MED13L: variants seen among roughly 807,000 people sequenced by gnomAD.
The protein encoded by MED13L is mediator of RNA polymerase II transcription subunit 13-like.
MED13L carries 7 observed loss-of-function variants against 220.9 expected under a neutral mutation model. That is an observed-to-expected ratio of 0.03 (90% confidence interval 0.02 to 0.06). MED13L has a LOEUF of 0.06. MED13L is among the 10% of genes least tolerant of loss of function. MED13L has a pLI of 1.00. For missense variants in MED13L, 1,965 were observed against 2,760.5 expected (o/e 0.71, Z 6.46); for synonymous variants, 1,011 against 1,015.2 (o/e 1.00, Z 0.08).
intron 4 of MED13L, among the ~76,000 whole-genome samples, chr12:116,039,387 C>T (rs1476121471): frequency 1.3e-5 from 2 of 152,198 alleles, no homozygotes; most frequent in African/African-American, 2.4e-5. Context: ...TTGGAGCTAA[C>T]GCTTATTTGG....
chr12:116,264,713 C>T (rs1872718333), intron 1 of MED13L, among the ~76,000 whole-genome samples: 1 of 152,168 alleles, frequency 6.6e-6, no homozygotes, highest in South Asian at 2.1e-4. Flanking sequence ...TATCTTCCAT[C>T]TTTCCTTCTG....
chr12:116,267,813 T>A (rs1277488378), intron 1 of MED13L, among the ~76,000 whole-genome samples: 1 of 152,240 alleles, frequency 6.6e-6, no homozygotes, highest in Non-Finnish European at 1.5e-5. Flanking sequence ...TTGCCTACTA[T>A]GCTACAGAAA....
intron 4 of MED13L, among the ~76,000 whole-genome samples, chr12:116,073,112 GA>G (rs1870510122): frequency 6.6e-6 from 1 of 152,162 alleles, no homozygotes; most frequent in Non-Finnish European, 1.5e-5. Flanking sequence ...AGGGGAAACA[GA>G]AGGTAAAGAA....
chr12:116,026,334 G>T (rs1317997669), intron 4 of MED13L, among the ~76,000 whole-genome samples: 2 of 152,182 alleles, frequency 1.3e-5, no homozygotes, highest in South Asian at 4.1e-4. Flanking sequence ...GATTAAAATC[G>T]AATCAAGGAT....
chr12:116,143,322 C>A (rs559593630), intron 2 of MED13L, among the ~76,000 whole-genome samples: 61 of 149,276 alleles, frequency 4.1e-4, no homozygotes, highest in African/African-American at 1.5e-3. Flanking sequence ...CACAGCAACA[C>A]CTTGTCTCAA....
chr12:115,990,540 G>A (rs1362778482), intron 17 of MED13L, among the ~76,000 whole-genome samples: 1 of 152,134 alleles, frequency 6.6e-6, no homozygotes, highest in Non-Finnish European at 1.5e-5. Flanking sequence ...ATATGCCCCA[G>A]TAACCACAAT....
chr12:116,072,673 T>A (rs569765019), intron 4 of MED13L, among the ~76,000 whole-genome samples: 1 of 152,298 alleles, frequency 6.6e-6, no homozygotes, highest in East Asian at 1.9e-4. Context: ...AGGCTGGTCT[T>A]GAACTCCTTG....
At chr12:116,033,468 T>TGCC (rs1044190483) in intron 4 of MED13L, among the ~76,000 whole-genome samples, 14 of 152,312 alleles carry the variant, frequency 9.2e-5, no homozygotes, top group Non-Finnish European at 1.3e-4. Context: ...TTTCACTGGG[T>TGCC]GCCTTATTTT....
At chr12:116,208,121 G>A (rs142388269) in intron 2 of MED13L, among the ~76,000 whole-genome samples, 15 of 152,304 alleles carry the variant, frequency 9.8e-5, no homozygotes, top group Admixed American at 2.6e-4. Flanking sequence ...CAGGCTGGAC[G>A]CAGTGGCTCA....
At chr12:116,019,709 A>G in intron 6 of MED13L, 69 bp downstream of exon 6, 1 of 1,506,990 alleles carries the variant, frequency 6.6e-7, no homozygotes, top group Non-Finnish European at 9.2e-7. Context: ...AAGAATCTAA[A>G]TGATTATCTT....
intron 1 of MED13L, among the ~76,000 whole-genome samples, chr12:116,258,335 G>A (rs774170676): frequency 2.7e-4 from 41 of 152,176 alleles, no homozygotes; most frequent in African/African-American, 8.4e-4. Context: ...TTGTGAGCAT[G>A]AGAAAATGCA....
At chr12:116,138,925 A>G (rs541723786) in intron 2 of MED13L, among the ~76,000 whole-genome samples, 71 of 152,316 alleles carry the variant, frequency 4.7e-4, no homozygotes, top group African/African-American at 1.6e-3. Context: ...TTAAGTGCCT[A>G]TTTGACTAGT....
chr12:116,176,876 CAAAAAAAAAAA>C (rs11285058), intron 2 of MED13L, among the ~76,000 whole-genome samples: 27 of 74,232 alleles, frequency 3.6e-4, no homozygotes, highest in East Asian at 1.2e-3. Flanking sequence ...AGAACTCAGC[CAAAAAAAAAAA>C]AAAAAAAAAA....
Position 115,987,249 on chromosome 12 carries a change from C to T in MED13L, c.3974G>A (p.Arg1325His), listed in dbSNP as rs768222953. Residue 1325 changes from arginine (R) to histidine (H), a missense_variant, in exon 18 of 31, where the codon CGT (arginine) becomes CAT (histidine). This residue lies in a region of MED13L where 165 missense variants were observed against 190.8 expected (regional missense o/e 0.86). Transcript: ENST00000281928. The part of the protein sequence containing the change: ...ISMLSSQDVV[R>H]MLLSLQPFLQ... ...AAAGGGCTGCAGGGACAACAGCATA[C>T]GAACCACATCCTGGGAGGAGAGCAT... 19 of 1,613,558 alleles carry T rather than the reference C, an allele frequency of 1.2e-5. No individual in the cohort carries two copies. The highest frequency in any genetic ancestry group is 1.7e-5 in the Admixed American group (1 of 60,010).
chr12:116,161,029 C>G (rs1042922062), intron 2 of MED13L, among the ~76,000 whole-genome samples: 1 of 152,052 alleles, frequency 6.6e-6, no homozygotes, highest in Admixed American at 6.6e-5. Context: ...AGTACAAGAC[C>G]ATGAGGTCTG....
At chr12:115,974,855 A>T (rs754477616) in intron 25 of MED13L, among the ~76,000 whole-genome samples, 63 of 152,336 alleles carry the variant, frequency 4.1e-4, no homozygotes, top group Non-Finnish European at 9.0e-4. Context: ...TTTTTGTCTT[A>T]AAACTGACTA....
At chr12:116,260,035 G>A (rs1387072271) in intron 1 of MED13L, among the ~76,000 whole-genome samples, 2 of 152,138 alleles carry the variant, frequency 1.3e-5, no homozygotes, top group African/African-American at 4.8e-5. Context: ...GGGTAAATCT[G>A]ATCTAATGGA....
At chr12:116,174,419 T>C (rs536016758) in intron 2 of MED13L, 1 of 152,050 alleles carries the variant, frequency 6.6e-6, no homozygotes, top group South Asian at 2.1e-4. Context: ...CTATCCATTT[T>C]CTATGTAAAA....
Position 116,242,048 on chromosome 12 carries a change from CTT to C in MED13L, c.73-4345_73-4344del, listed in dbSNP as rs767214989. Among the ~76,000 whole-genome samples the C allele has an allele frequency of 9.2e-3, 979 of 106,604 alleles. 3 individuals carry two copies. Among genetic ancestry groups the C allele is most frequent in the Admixed American group, 0.014 (145 of 10,068 alleles). The allele number at this position is 106,604 out of a possible 152,430, so 69.9% of individuals were successfully genotyped here. A position where few individuals can be genotyped will look rare whatever the true frequency, so the allele number is the denominator to read the frequency against. On this transcript the variant is annotated intron_variant, in intron 1 of 30. Coordinates refer to ENST00000281928, the MANE Select transcript of MED13L (RefSeq NM_015335.5). ...TTAAGTGCACTCCAAGTTCTTTTGT[CTT>C]TTTTTTTTTTTTTTTTTTTGAGATG... is the stretch of plus-strand genomic sequence containing the variant.
Sources: allele counts gnomAD v4.1 joint callset (sites outside exome capture counted in the v4.1 genomes callset), GRCh38; gene constraint gnomAD v4.1.1; regional missense constraint gnomAD v4.1.1; transcripts MANE v1.5; gene names NCBI Gene and HGNC (gene_info 2026-07-23, HGNC 2026-07-21).